SERGEF: variants seen among roughly 807,000 people sequenced by gnomAD.
SERGEF encodes secretion regulating guanine nucleotide exchange factor, also known as secretion-regulating guanine nucleotide exchange factor.
A neutral mutation model predicts 50.0 loss-of-function variants in SERGEF; 51 were observed. The observed-to-expected ratio is 1.02, with a 90% CI of 0.81 to 1.29. The LOEUF is 1.29. SERGEF is among the 50% of genes most tolerant of loss of function. The pLI is 0.00. For synonymous variants in SERGEF, 205 were observed against 212.4 expected (o/e 0.97, Z 0.30); for missense variants, 521 against 557.0 (o/e 0.94, Z 0.65).
intron 8 of SERGEF, among the ~76,000 whole-genome samples, chr11:17,979,032 T>C (rs1853438605): frequency 6.6e-6 from 1 of 152,324 alleles, no homozygotes; most frequent in South Asian, 2.1e-4. Flanking sequence ...TGATAACGCT[T>C]CATCTCTCTA....
chr11:17,808,685 G>C (rs1202287781), intron 10 of SERGEF, among the ~76,000 whole-genome samples: 1 of 152,196 alleles, frequency 6.6e-6, no homozygotes, highest in African/African-American at 2.4e-5. Flanking sequence ...GGGCCCTCCA[G>C]GATAGTGACA....
intron 10 of SERGEF, among the ~76,000 whole-genome samples, chr11:17,865,761 G>A (rs1458824465): frequency 6.6e-6 from 1 of 152,132 alleles, no homozygotes; most frequent in African/African-American, 2.4e-5. Context: ...AAAGCAACAT[G>A]TTATAGTAAG....
intron 10 of SERGEF, among the ~76,000 whole-genome samples, chr11:17,831,347 G>A (rs183150750): frequency 6.6e-6 from 1 of 152,314 alleles, no homozygotes; most frequent in East Asian, 1.9e-4. Context: ...CTATTCTGGA[G>A]GTCAGCACGG....
At chr11:17,936,433 G>A (rs944010331) in intron 9 of SERGEF, among the ~76,000 whole-genome samples, 2 of 152,200 alleles carry the variant, frequency 1.3e-5, no homozygotes, top group Non-Finnish European at 2.9e-5. Flanking sequence ...AGTCATATCA[G>A]CATTACGATT....
intron 9 of SERGEF, 81 bp downstream of exon 9, chr11:17,959,389 C>A: frequency 7.6e-7 from 1 of 1,314,238 alleles, no homozygotes; most frequent in Non-Finnish European, 1.1e-6. Context: ...TAACGCCTGG[C>A]ACACAGTAGG....
rs1854218410 is a variant in SERGEF at position 18,012,563 on chromosome 11, G to C, written c.60+388C>G. 6.0e-6 allele frequency: 7 copies of C among 1,164,000 alleles called. No homozygotes were observed. The South Asian group carries it at 1.2e-4, about 20-fold the overall frequency. The allele number at this position is 1,164,000 out of a possible 1,614,324, so 72.1% of individuals were successfully genotyped here. A position where few individuals can be genotyped will look rare whatever the true frequency, so the allele number is the denominator to read the frequency against. ...TCCCTCCTCCAGGCATCAGGAGTGT[G>C]GGGGGCACAGGTGGCCCCACGGAGC... is the stretch of plus-strand genomic sequence containing the variant. On this transcript the variant is annotated intron_variant, in intron 1 of 10. Coordinates refer to ENST00000265965, the MANE Select transcript of SERGEF (RefSeq NM_012139.4).
intron 10 of SERGEF, among the ~76,000 whole-genome samples, chr11:17,799,936 C>T (rs1849635897): frequency 6.6e-6 from 1 of 152,194 alleles, no homozygotes; most frequent in Non-Finnish European, 1.5e-5. Flanking sequence ...AGTGACAGCA[C>T]AGGGAGATGA....
intron 6 of SERGEF, 111 bp downstream of exon 6, chr11:17,995,683 TAG>T: frequency 1.4e-6 from 1 of 739,034 alleles, no homozygotes; most frequent in Non-Finnish European, 2.3e-6. Flanking sequence ...TAGAGAAAGT[TAG>T]AGAGACCAAG....
At position 17,896,021 on chromosome 11, in the gene SERGEF, T is replaced by G. The variant is rs574039096; in HGVS notation, c.1012-17777A>C. On this transcript the variant is annotated intron_variant, in intron 9 of 10. Transcript: ENST00000265965. ...GGTACCTACATTACTTTCAATAACT[T>G]GTCATTATAAAGTGTGTGGTGAACA... is the stretch of plus-strand genomic sequence containing the variant. Among the ~76,000 whole-genome samples the G allele has an allele frequency of 7.9e-5, 12 of 152,336 alleles. No individual in the cohort carries two copies. The East Asian group carries it at 2.3e-3, about 29-fold the overall frequency.
At chr11:17,837,679 G>A (rs955896474) in intron 10 of SERGEF, among the ~76,000 whole-genome samples, 13 of 137,826 alleles carry the variant, frequency 9.4e-5, no homozygotes, top group African/African-American at 3.5e-4. Context: ...TTTTTTTTGA[G>A]ACAGAGTCTT....
At chr11:17,887,220 C>T (rs1207653348) in intron 9 of SERGEF, among the ~76,000 whole-genome samples, 1 of 152,010 alleles carries the variant, frequency 6.6e-6, no homozygotes, top group Non-Finnish European at 1.5e-5. Context: ...AATGACTTTC[C>T]CATTGTTCTT....
intron 9 of SERGEF, among the ~76,000 whole-genome samples, chr11:17,887,455 C>T (rs1269298641): frequency 6.6e-6 from 1 of 152,176 alleles, no homozygotes; most frequent in South Asian, 2.1e-4. Context: ...AACTAAAAGA[C>T]AGGCAATTAA....
intron 10 of SERGEF, among the ~76,000 whole-genome samples, chr11:17,875,260 A>G (rs1258833205): frequency 6.6e-6 from 1 of 152,238 alleles, no homozygotes; most frequent in Non-Finnish European, 1.5e-5. Context: ...CCGTAGGACC[A>G]ATTCAAACCA....
chr11:17,881,818 C>G (rs1344917242), intron 9 of SERGEF, among the ~76,000 whole-genome samples: 1 of 152,170 alleles, frequency 6.6e-6, no homozygotes, highest in Non-Finnish European at 1.5e-5. Context: ...ATGCATCCTG[C>G]CTTCCTCATG....
intron 8 of SERGEF, among the ~76,000 whole-genome samples, chr11:17,966,015 G>A (rs958467125): frequency 2.0e-5 from 3 of 152,162 alleles, no homozygotes; most frequent in African/African-American, 7.2e-5. Flanking sequence ...CCTTATTAAG[G>A]ATTTCCATGG....
chr11:17,926,661 A>G (rs1852256548), intron 9 of SERGEF: 1 of 433,988 alleles, frequency 2.3e-6, no homozygotes, highest in Admixed American at 2.5e-5. Flanking sequence ...AGGTTCAGCA[A>G]GTGTGACCCT....
At chr11:17,882,283 G>A (rs994006492) in intron 9 of SERGEF, among the ~76,000 whole-genome samples, 1 of 152,092 alleles carries the variant, frequency 6.6e-6, no homozygotes, top group Non-Finnish European at 1.5e-5. Context: ...GTGGGGCGTG[G>A]TGGCGGGTGC....
intron 10 of SERGEF, among the ~76,000 whole-genome samples, chr11:17,838,357 G>A (rs10832861): frequency 0.38 from 57,252 of 152,048 alleles, 12,800 homozygotes; most frequent in Admixed American, 0.55. Flanking sequence ...TGGCCTCTGG[G>A]CAGTAGGGAA....
At chr11:17,797,477 C>T (rs1849590556) in intron 10 of SERGEF, among the ~76,000 whole-genome samples, 1 of 152,126 alleles carries the variant, frequency 6.6e-6, no homozygotes, top group African/African-American at 2.4e-5. Flanking sequence ...TGTGAGAGTC[C>T]CACCTTATTT....
Sources: allele counts gnomAD v4.1 joint callset (sites outside exome capture counted in the v4.1 genomes callset), GRCh38; gene constraint gnomAD v4.1.1; transcripts MANE v1.5; gene names NCBI Gene and HGNC (gene_info 2026-07-23, HGNC 2026-07-21).